ZC3H13: variants seen among roughly 807,000 people sequenced by gnomAD.
The protein encoded by ZC3H13 is zinc finger CCCH domain-containing protein 13.
Under a neutral mutation model 204.1 loss-of-function variants are expected in ZC3H13, and 64 were observed. That is an observed-to-expected ratio of 0.31 (90% confidence interval 0.26 to 0.39). The LOEUF is 0.39. ZC3H13 is among the 10% of genes least tolerant of loss of function. The probability of loss-of-function intolerance (pLI) is 1.00; values close to 1 mark genes in which losing one functional copy is unlikely to be tolerated. For synonymous variants in ZC3H13, 667 were observed against 693.7 expected, an observed-to-expected ratio of 0.96 and a Z score of 0.60; for missense variants, 1,833 against 2,082.7, an observed-to-expected ratio of 0.88 and a Z score of 2.33.
At chr13:46,020,959 G>T (rs1345432026) in intron 4 of ZC3H13, among the ~76,000 whole-genome samples, 1 of 151,964 alleles carries the variant, frequency 6.6e-6, no homozygotes, top group Non-Finnish European at 1.5e-5. Context: ...GGAAAAGACA[G>T]TTTAAAATGA....
chr13:46,004,329 C>T (rs2040973176), intron 7 of ZC3H13, among the ~76,000 whole-genome samples: 2 of 152,000 alleles, frequency 1.3e-5, no homozygotes, highest in Admixed American at 1.3e-4. Flanking sequence ...CACTTGAGGT[C>T]AGGAGTTCGA....
intron 4 of ZC3H13, among the ~76,000 whole-genome samples, chr13:46,029,577 C>T (rs2042756678): frequency 2.6e-5 from 4 of 151,482 alleles, no homozygotes; most frequent in Admixed American, 1.3e-4. Flanking sequence ...TACAGGCGCC[C>T]GCTACCACGC....
chr13:46,026,052 C>T (rs2042524630), intron 4 of ZC3H13, among the ~76,000 whole-genome samples: 1 of 151,886 alleles, frequency 6.6e-6, no homozygotes, highest in African/African-American at 2.4e-5. Context: ...AGTTTCAGAT[C>T]CTTTCAATAT....
intron 4 of ZC3H13, among the ~76,000 whole-genome samples, chr13:46,029,247 A>C (rs2042725817): frequency 6.6e-6 from 1 of 152,208 alleles, no homozygotes; most frequent in South Asian, 2.1e-4. Flanking sequence ...CAAAACTCAC[A>C]CAAGGAGAAA....
At chr13:46,043,430 T>C (rs902746334) in intron 3 of ZC3H13, among the ~76,000 whole-genome samples, 1 of 151,978 alleles carries the variant, frequency 6.6e-6, no homozygotes, top group African/African-American at 2.4e-5. Context: ...GTGCTCTAAA[T>C]TATAATGATG....
chr13:46,037,024 A>G (rs990960009), intron 4 of ZC3H13, among the ~76,000 whole-genome samples: 1 of 152,160 alleles, frequency 6.6e-6, no homozygotes, highest in African/African-American at 2.4e-5. Flanking sequence ...CAGCTATCCC[A>G]ATTGTTTTAA....
At chr13:46,001,002 A>C (rs754843463) in intron 8 of ZC3H13, among the ~76,000 whole-genome samples, 41 of 152,220 alleles carry the variant, frequency 2.7e-4, no homozygotes, top group Admixed American at 9.2e-4. Context: ...ACACATTTGC[A>C]GATTAAGTTC....
chr13:45,982,013 T>A (rs6561277), intron 10 of ZC3H13, among the ~76,000 whole-genome samples: 37,689 of 149,328 alleles, frequency 0.25, 5,064 homozygotes, highest in South Asian at 0.33. Context: ...AAACTTAAAG[T>A]ATAATAATAA....
chr13:46,010,266 T>C (rs2041454691), intron 7 of ZC3H13, 82 bp downstream of exon 7: 2 of 1,307,374 alleles, frequency 1.5e-6, no homozygotes, highest in South Asian at 2.1e-5. Context: ...GTACTAAAAG[T>C]ACCCTTTTAT....
chr13:46,016,468 G>C (rs1387869243), intron 5 of ZC3H13, among the ~76,000 whole-genome samples: 1 of 152,150 alleles, frequency 6.6e-6, no homozygotes, highest in African/African-American at 2.4e-5. Context: ...AACAAAAGAA[G>C]CTAGGCACAA....
intron 9 of ZC3H13, among the ~76,000 whole-genome samples, chr13:45,987,370 G>C (rs776553185): frequency 4.6e-5 from 7 of 152,006 alleles, no homozygotes; most frequent in Non-Finnish European, 8.8e-5. Context: ...AATGTTAATG[G>C]AGTTTTCATT....
intron 4 of ZC3H13, among the ~76,000 whole-genome samples, chr13:46,022,502 T>C (rs1297443372): frequency 6.6e-6 from 1 of 152,002 alleles, no homozygotes; most frequent in Non-Finnish European, 1.5e-5. Flanking sequence ...TCGTCCAATG[T>C]AGTGTAGCAC....
chr13:46,040,515 T>C (rs1409436), intron 4 of ZC3H13, among the ~76,000 whole-genome samples: 69,988 of 151,814 alleles, frequency 0.46, 16,768 homozygotes, highest in African/African-American at 0.58. Context: ...ACGTAAATCT[T>C]TGTGACCCTG....
At chr13:46,028,637 A>C (rs773864650) in intron 4 of ZC3H13, among the ~76,000 whole-genome samples, 3 of 152,212 alleles carry the variant, frequency 2.0e-5, no homozygotes, top group Non-Finnish European at 4.4e-5. Context: ...TAAACTAGAA[A>C]TCTGTAACAG....
intron 10 of ZC3H13, among the ~76,000 whole-genome samples, chr13:45,980,606 C>T (rs762608104): frequency 2.0e-5 from 3 of 152,082 alleles, no homozygotes; most frequent in Admixed American, 2.0e-4. Context: ...AATGAATGAC[C>T]GATATATGCA....
At chr13:45,962,857 T>G (rs1951792035) in intron 17 of ZC3H13, 6 of 985,188 alleles carry the variant, frequency 6.1e-6, no homozygotes, top group Non-Finnish European at 7.2e-6. Flanking sequence ...TCCCCATTAA[T>G]AAAGTATTAG....
intron 8 of ZC3H13, among the ~76,000 whole-genome samples, chr13:45,995,012 G>GGA (rs752867281): frequency 2.2e-5 from 1 of 46,326 alleles, no homozygotes; most frequent in East Asian, 7.0e-4. Context: ...AACTATCAGT[G>GGA]AAAAAAAAAA....
intron 7 of ZC3H13, among the ~76,000 whole-genome samples, chr13:46,003,709 A>G (rs933561227): frequency 1.3e-5 from 2 of 152,192 alleles, no homozygotes; most frequent in Non-Finnish European, 2.9e-5. Context: ...ACTCAAAGAG[A>G]ACTATTTTTA....
At chr13:46,046,144 C>A (rs767873987) in intron 1 of ZC3H13, among the ~76,000 whole-genome samples, 4 of 151,986 alleles carry the variant, frequency 2.6e-5, no homozygotes, top group Non-Finnish European at 4.4e-5. Flanking sequence ...AAACAAAACT[C>A]AATGTTGATA....
Sources: allele counts gnomAD v4.1 joint callset (sites outside exome capture counted in the v4.1 genomes callset), GRCh38; gene constraint gnomAD v4.1.1; transcripts MANE v1.5; gene names NCBI Gene and HGNC (gene_info 2026-07-23, HGNC 2026-07-21).